CHST9: variants seen among roughly 807,000 people sequenced by gnomAD.
CHST9 encodes the protein carbohydrate sulfotransferase 9.
A neutral mutation model predicts 44.4 loss-of-function variants in CHST9; 41 were observed. The ratio of observed to expected loss-of-function variants is 0.92; its 90% CI spans 0.72 to 1.20. CHST9 has a LOEUF of 1.20. Ranked by LOEUF, CHST9 falls within the 50% of genes most tolerant of loss-of-function variation. The pLI, the probability that CHST9 is intolerant of heterozygous loss-of-function variation, is 0.00. For synonymous variants in CHST9, 171 were observed against 178.4 expected (o/e 0.96, Z 0.33); for missense variants, 504 against 516.5 (o/e 0.98, Z 0.23).
chr18:26,997,998 A>T (rs374121147), intron 4 of CHST9, among the ~76,000 whole-genome samples: 94 of 152,318 alleles, frequency 6.2e-4, no homozygotes, highest in African/African-American at 2.1e-3. Context: ...CATAGCTAGT[A>T]ATTTTGCATC....
intron 4 of CHST9, among the ~76,000 whole-genome samples, chr18:27,010,671 G>A (rs2057072732): frequency 1.3e-5 from 2 of 152,204 alleles, no homozygotes; most frequent in African/African-American, 4.8e-5. Flanking sequence ...TTGAACGAGA[G>A]AGAGTTCCCA....
intron 4 of CHST9, among the ~76,000 whole-genome samples, chr18:26,967,415 T>C (rs1220985896): frequency 1.3e-5 from 2 of 152,208 alleles, no homozygotes; most frequent in Non-Finnish European, 2.9e-5. Flanking sequence ...TTTTGTATAT[T>C]ACAATATACC....
chr18:26,959,654 C>CA (rs2056374000), intron 4 of CHST9, among the ~76,000 whole-genome samples: 1 of 152,098 alleles, frequency 6.6e-6, no homozygotes, highest in Non-Finnish European at 1.5e-5. Flanking sequence ...GTCTAAGGAA[C>CA]AGTAAATGGT....
intron 4 of CHST9, among the ~76,000 whole-genome samples, chr18:26,956,344 T>TACAC (rs201855880): frequency 0.12 from 16,401 of 141,422 alleles, 2,265 homozygotes; most frequent in African/African-American, 0.33. Flanking sequence ...TATATATATA[T>TACAC]ACACACACAA....
chr18:27,160,873 T>C (rs932860132), intron 1 of CHST9, among the ~76,000 whole-genome samples: 1 of 152,248 alleles, frequency 6.6e-6, no homozygotes, highest in Non-Finnish European at 1.5e-5. Flanking sequence ...ATCCATTTCT[T>C]CTAGATTTTC....
chr18:26,976,776 G>A (rs1295913545), intron 4 of CHST9, among the ~76,000 whole-genome samples: 1 of 152,080 alleles, frequency 6.6e-6, no homozygotes, highest in Non-Finnish European at 1.5e-5. Context: ...AGGAAGCTGG[G>A]GACAGGGGGC....
At chr18:27,129,340 T>A (rs1222226619) in intron 2 of CHST9, among the ~76,000 whole-genome samples, 2 of 152,098 alleles carry the variant, frequency 1.3e-5, no homozygotes. Flanking sequence ...ACCTCTTAAT[T>A]GCCTTAATTG....
chr18:27,181,421 A>G (rs2058911397), intron 1 of CHST9, among the ~76,000 whole-genome samples: 1 of 152,180 alleles, frequency 6.6e-6, no homozygotes, highest in Non-Finnish European at 1.5e-5. Flanking sequence ...ACAATAATTG[A>G]GAGGTTCTCT....
chr18:27,172,004 C>T (rs1230107764), intron 1 of CHST9, among the ~76,000 whole-genome samples: 3 of 152,132 alleles, frequency 2.0e-5, no homozygotes, highest in Non-Finnish European at 4.4e-5. Flanking sequence ...TAGAGGTCTG[C>T]ATTCTGTTTG....
At chr18:27,053,195 A>AAGAAGG (rs1568150977) in intron 2 of CHST9, among the ~76,000 whole-genome samples, 1 of 114,626 alleles carries the variant, frequency 8.7e-6, no homozygotes, top group Non-Finnish European at 1.9e-5. Flanking sequence ...GAAGAAGAAG[A>AAGAAGG]AAGAACAAGA....
intron 4 of CHST9, among the ~76,000 whole-genome samples, chr18:26,992,925 G>A (rs16943138): frequency 0.1 from 15,822 of 152,184 alleles, 1,067 homozygotes; most frequent in East Asian, 0.32. Flanking sequence ...GTATTCATTT[G>A]CAGGCTCTTT....
At chr18:27,129,785 T>TA (rs2058456405) in intron 2 of CHST9, among the ~76,000 whole-genome samples, 1 of 152,170 alleles carries the variant, frequency 6.6e-6, no homozygotes, top group Admixed American at 6.5e-5. Flanking sequence ...AACTTTCTCT[T>TA]GAAGTCTGGG....
At chr18:27,053,198 G>GAAGAAGAAAT in intron 2 of CHST9, among the ~76,000 whole-genome samples, 1 of 89,174 alleles carries the variant, frequency 1.1e-5, no homozygotes, top group Admixed American at 1.2e-4. Flanking sequence ...GAAGAAGAAA[G>GAAGAAGAAAT]AACAAGAAGA....
intron 1 of CHST9, among the ~76,000 whole-genome samples, chr18:27,153,508 CTCTG>C (rs1375927426): frequency 6.7e-6 from 1 of 150,228 alleles, no homozygotes; most frequent in Non-Finnish European, 1.5e-5. Flanking sequence ...TTGTCTCTGT[CTCTG>C]TCTCTCTCTG....
At chr18:27,116,235 C>T (rs1158627128) in intron 2 of CHST9, among the ~76,000 whole-genome samples, 1 of 152,010 alleles carries the variant, frequency 6.6e-6, no homozygotes, top group African/African-American at 2.4e-5. Context: ...TATGTTTTCT[C>T]CTAAGAGTTT....
intron 1 of CHST9, among the ~76,000 whole-genome samples, chr18:27,181,544 T>A (rs747691026): frequency 6.6e-6 from 1 of 152,202 alleles, no homozygotes; most frequent in Non-Finnish European, 1.5e-5. Context: ...TATTAATATA[T>A]AAGGCCTAGG....
At chr18:27,071,974 T>C (rs941046785) in intron 2 of CHST9, among the ~76,000 whole-genome samples, 2 of 152,224 alleles carry the variant, frequency 1.3e-5, no homozygotes, top group African/African-American at 2.4e-5. Flanking sequence ...TTGCTGTCTT[T>C]TCTATTTGAC....
chr18:27,102,962 G>T (rs761661189), intron 2 of CHST9, among the ~76,000 whole-genome samples: 2 of 152,064 alleles, frequency 1.3e-5, no homozygotes, highest in Non-Finnish European at 2.9e-5. Context: ...CCATTTGTTT[G>T]TCATTGACAA....
chr18:27,067,904 A>G (rs921281474), intron 2 of CHST9, among the ~76,000 whole-genome samples: 4 of 152,172 alleles, frequency 2.6e-5, no homozygotes, highest in African/African-American at 9.7e-5. Context: ...CAAAGAAGTT[A>G]TAACTATTGC....
Sources: allele counts gnomAD v4.1 joint callset (sites outside exome capture counted in the v4.1 genomes callset), GRCh38; gene constraint gnomAD v4.1.1; transcripts MANE v1.5; gene names NCBI Gene and HGNC (gene_info 2026-07-23, HGNC 2026-07-21).